SF3A1: variants seen among roughly 807,000 people sequenced by gnomAD.
SF3A1 encodes the protein splicing factor 3a subunit 1, also known as SAP 114.
A neutral mutation model predicts 89.9 loss-of-function variants in SF3A1; 13 were observed. That is an observed-to-expected ratio of 0.14 (90% CI 0.09 to 0.23). SF3A1 has a LOEUF of 0.23. Among genes scored for constraint, SF3A1 ranks in the 10% least tolerant of loss-of-function variants. SF3A1 has a pLI of 1.00. For missense variants in SF3A1, 604 were observed against 1,022.1 expected (o/e 0.59, Z 5.58); for synonymous variants, 405 against 374.4 (o/e 1.08, Z -0.94).
In SF3A1 at chr22:30,342,620, GA is replaced by G. The variant is rs1931295569; in HGVS notation, c.726+184del. The G allele has an allele frequency of 4.2e-5, 26 of 625,242 alleles. No individual in the cohort carries two copies. In the South Asian group the frequency reaches 5.0e-4, roughly 12 times the overall value. The allele number at this position is 625,242 out of a possible 1,614,324, so 38.7% of individuals were successfully genotyped here. On this transcript the variant is annotated intron_variant, in intron 5 of 15. Coordinates refer to ENST00000215793, the MANE Select transcript of SF3A1 (RefSeq NM_005877.6). The stretch of plus-strand genomic sequence containing the variant: ...ATATATTGAGGCTGAGAGCAAAGCA[GA>G]AAGTTGTGGTATGTTGGGAAGCATC...
At chr22:30,339,343 A>C (rs1931175829) in intron 9 of SF3A1, 92 bp from the exon 10 acceptor site, 1 of 1,524,850 alleles carries the variant, frequency 6.6e-7, no homozygotes, top group Admixed American at 1.7e-5. Context: ...TGCAGGGAGG[A>C]GGCTGGTTCC....
At chr22:30,339,386 T>G in intron 9 of SF3A1, 135 bp from the exon 10 acceptor site, 1 of 1,097,176 alleles carries the variant, frequency 9.1e-7, no homozygotes. Flanking sequence ...CCCCAACTCT[T>G]GTCCTCTGGG....
At chr22:30,352,776 T>C (rs1931641406) in intron 2 of SF3A1, 175 bp downstream of exon 2, 1 of 623,194 alleles carries the variant, frequency 1.6e-6, no homozygotes, top group Non-Finnish European at 2.7e-6. Context: ...GCCACTGCTA[T>C]GCTGTGTCAG....
intron 12 of SF3A1, 59 bp downstream of exon 12, chr22:30,337,631 A>G (rs1201694537): frequency 5.0e-6 from 4 of 806,414 alleles, no homozygotes; most frequent in Non-Finnish European, 6.3e-6. Flanking sequence ...CTCTGCTGAC[A>G]GTACTTGGCC....
At chr22:30,356,603 G>A in intron 1 of SF3A1, 127 bp downstream of exon 1, 1 of 693,698 alleles carries the variant, frequency 1.4e-6, no homozygotes, top group Non-Finnish European at 2.1e-6. Context: ...AGCGCGGGAA[G>A]CGCGCAGCCT....
intron 4 of SF3A1, 109 bp from the exon 5 acceptor site, chr22:30,342,988 C>G (rs1364020936): frequency 4.1e-5 from 28 of 677,338 alleles, no homozygotes; most frequent in Non-Finnish European, 5.9e-5. Flanking sequence ...GCATGGGATT[C>G]TGTGTCCCAA....
At position 30,339,170 on chromosome 22, in the gene SF3A1, T is replaced by C. The variant is rs1931170433; in HGVS notation, c.1457A>G (p.Lys486Arg). ...CTGGATCTCCTCCTCACCGATCTTCTTACCAATGGCTGTTTCCTCTACACC... is the reference window on the plus strand; with the variant it reads ...CTGGATCTCCTCCTCACCGATCTTCCTACCAATGGCTGTTTCCTCTACACC... ...IFGVEETAIGKKIGEEEIQKP... is the reference protein window; with the variant it reads ...IFGVEETAIGRKIGEEEIQKP... Residue 486 changes from lysine to arginine, a missense_variant, in exon 10 of 16, where the codon AAG becomes AGG. Physicochemically the swap from Lys to Arg is conservative, Grantham distance 26. Transcript: ENST00000215793. The C allele has an allele frequency of 6.2e-7, 1 of 1,614,198 alleles. No homozygotes were observed. Among genetic ancestry groups the C allele is most frequent in the Non-Finnish European group, 8.5e-7 (1 of 1,180,028 alleles).
chr22:30,350,312 A>C (rs935274603), intron 2 of SF3A1, among the ~76,000 whole-genome samples: 19 of 149,418 alleles, frequency 1.3e-4, no homozygotes, highest in South Asian at 2.1e-4. Context: ...ACTAAAAAAA[A>C]TAAAAAAAAT....
Position 30,340,995 on chromosome 22 carries a change from T to C in SF3A1, c.1072-183A>G, listed in dbSNP as rs538478139. 4.6e-5 allele frequency among the ~76,000 whole-genome samples: 7 copies of C among 150,968 alleles called. No homozygotes were observed. The East Asian group carries it at 1.4e-3, about 30-fold the overall frequency. ...CCAAGCTGCTTCCTCACAGCATGAA[T>C]GGGAGTGCTGAGGCCACGGTCCTAG... On this transcript the variant is annotated intron_variant, in intron 7 of 15. Coordinates refer to ENST00000215793, the MANE Select transcript of SF3A1 (RefSeq NM_005877.6).
In SF3A1 at chr22:30,356,881, G is replaced by C. The variant is rs1048216313; in HGVS notation, c.-89C>G. 1.8e-6 allele frequency: 2 copies of C among 1,134,484 alleles called. No homozygotes were observed. Among genetic ancestry groups the C allele is most frequent in the African/African-American group, 1.6e-5 (1 of 62,312 alleles). 70.3% of individuals were successfully genotyped at this position (1,134,484 alleles called of 1,614,324 possible). On this transcript the variant is annotated 5_prime_UTR_variant, in exon 1 of 16. Transcript: ENST00000215793. ...CCTCCCCGCTCGGTCAGTACGACGA[G>C]CTCGCAAGATGGCGGCGGCCGAGCG...
intron 2 of SF3A1, among the ~76,000 whole-genome samples, chr22:30,350,453 G>C (rs374886703): frequency 2.0e-5 from 3 of 152,112 alleles, no homozygotes; most frequent in African/African-American, 7.2e-5. Flanking sequence ...CTGCACTCCT[G>C]CCTGCGTGTC....
intron 12 of SF3A1, 148 bp from the exon 13 acceptor site, chr22:30,337,328 G>GT (rs1569169960): frequency 5.0e-6 from 4 of 800,264 alleles, no homozygotes; most frequent in Non-Finnish European, 5.8e-6. Flanking sequence ...CAGCCAGCAG[G>GT]TTCCCTGGCA....
rs1171810801 is a variant in SF3A1 at position 30,356,891 on chromosome 22, T to TGGCGGCGGCCGAGCGAGTTGC, written c.-100_-99insGCAACTCGCTCGGCCGCCGCC. ...CGGTCAGTACGACGAGCTCGCAAGA[T>TGGCGGCGGCCGAGCGAGTTGC]GGCGGCGGCCGAGCGAGTTGCGGCC... On this transcript the variant is annotated 5_prime_UTR_variant, in exon 1 of 16. Coordinates refer to ENST00000215793, the MANE Select transcript of SF3A1 (RefSeq NM_005877.6). 3 of 1,086,604 alleles carry TGGCGGCGGCCGAGCGAGTTGC rather than the reference T, an allele frequency of 2.8e-6. No individual in the cohort carries two copies. The African/African-American group carries it at 4.9e-5, about 18-fold the overall frequency. The allele number at this position is 1,086,604 out of a possible 1,614,324, so 67.3% of individuals were successfully genotyped here.
At chr22:30,346,251 C>G in intron 3 of SF3A1, 61 bp downstream of exon 3, 1 of 1,129,438 alleles carries the variant, frequency 8.9e-7, no homozygotes, top group Non-Finnish European at 1.3e-6. Flanking sequence ...TGTGTACTCC[C>G]TCCCTATCCC....
intron 1 of SF3A1, among the ~76,000 whole-genome samples, chr22:30,354,894 A>T (rs1447043297): frequency 1.3e-5 from 2 of 152,234 alleles, no homozygotes; most frequent in African/African-American, 4.8e-5. Flanking sequence ...ACTGCATTCC[A>T]GCCTGGGTGA....
chr22:30,342,449 C>T lies in SF3A1; in HGVS notation c.727-99G>A, dbSNP rs76192495. 10,786 of 1,327,804 alleles carry T rather than the reference C, an allele frequency of 8.1e-3. 350 individuals carry two copies. The East Asian group carries it at 0.093, about 11-fold the overall frequency. The allele number at this position is 1,327,804 out of a possible 1,614,324, so 82.3% of individuals were successfully genotyped here. A position where few individuals can be genotyped will look rare whatever the true frequency, so the allele number is the denominator to read the frequency against. On this transcript the variant is annotated intron_variant, in intron 5 of 15. Coordinates refer to ENST00000215793, the MANE Select transcript of SF3A1 (RefSeq NM_005877.6). Reference sequence around the variant, plus strand: ...CTTTCATCAAAGTCAGCGCCTCCTTCGGAACAGAATGGAAGTATGGTTCCA... The same window carrying T: ...CTTTCATCAAAGTCAGCGCCTCCTTTGGAACAGAATGGAAGTATGGTTCCA...
Position 30,337,166 on chromosome 22 carries a change from G to A in SF3A1, c.1966C>T (p.Pro656Ser). Reference sequence around the variant, plus strand: ...GGAGCTGGGACAGGTGCCACAGGTGGAGCAGGCACAAAGGCTGCAAAGACA... The same window carrying A: ...GGAGCTGGGACAGGTGCCACAGGTGAAGCAGGCACAAAGGCTGCAAAGACA... Reference protein sequence around the residue: ...MIVPTAFVPAPPVAPVPAPAP... With the variant: ...MIVPTAFVPASPVAPVPAPAP... Residue 656 changes from proline (P) to serine (S), a missense_variant, in exon 13 of 16, where the codon CCA becomes TCA. By Grantham distance (74) the Pro-to-Ser change is moderately conservative. Transcript: ENST00000215793. The A allele has an allele frequency of 1.2e-6, 2 of 1,612,060 alleles. No homozygotes were observed. The highest frequency in any genetic ancestry group is 1.7e-6 in the Non-Finnish European group (2 of 1,178,946).
At chr22:30,344,634 C>T (rs1300689919) in intron 4 of SF3A1, among the ~76,000 whole-genome samples, 1 of 152,176 alleles carries the variant, frequency 6.6e-6, no homozygotes, top group African/African-American at 2.4e-5. Flanking sequence ...CAACTGAAAA[C>T]GGAAATGCAC....
At chr22:30,352,898 G>C (rs957596236) in intron 2 of SF3A1, 53 bp downstream of exon 2, 19 of 1,605,136 alleles carry the variant, frequency 1.2e-5, no homozygotes, top group African/African-American at 2.7e-5. Flanking sequence ...ATTCAGTGCT[G>C]AAGTCTCTTC....
Sources: gnomAD v4.1 joint callset for allele counts (sites outside exome capture counted in the v4.1 genomes callset) on GRCh38, gnomAD v4.1.1 for gene constraint, MANE v1.5 for transcripts, NCBI Gene and HGNC (gene_info 2026-07-23, HGNC 2026-07-21) for gene names.